The following TSPYL1 variants were observed in gnomAD, a reference collection of about 807,000 sequenced individuals.
TSPYL1 encodes TSPY like 1.
In TSPYL1, 16 loss-of-function variants were observed where a neutral mutation model predicts 20.1. The ratio of observed to expected loss-of-function variants is 0.80; its 90% CI spans 0.54 to 1.21. The LOEUF is 1.21. TSPYL1 is among the 50% of genes most tolerant of loss of function. The pLI is 0.00. For synonymous variants in TSPYL1, 259 were observed against 227.1 expected, an observed-to-expected ratio of 1.14 and a Z score of -1.26; for missense variants, 560 against 569.3, an observed-to-expected ratio of 0.98 and a Z score of 0.17.
rs146113443 is a variant in TSPYL1 at position 116,275,690 on chromosome 6, C to T, written c.*2827G>A. The stretch of plus-strand genomic sequence containing the variant: ...TAGCACGTGCCTGTAGTCCCAGCTA[C>T]TCGGGAGGCTGATGCTGGAGAACTG... On this transcript the variant is annotated 3_prime_UTR_variant, in exon 1 of 1. Transcript: ENST00000368608. 2.2e-3 allele frequency among the ~76,000 whole-genome samples: 331 copies of T among 151,990 alleles called. 1 individual carries two copies. Among genetic ancestry groups the T allele is most frequent in the African/African-American group, 7.8e-3 (324 of 41,424 alleles).
At position 116,279,228 on chromosome 6, in the gene TSPYL1, T is replaced by C. The variant is rs562952365; in HGVS notation, c.603A>G (p.Glu201=). 1 of 1,609,422 alleles carries C rather than the reference T, an allele frequency of 6.2e-7. No homozygotes were observed. Among genetic ancestry groups the C allele is most frequent in the African/African-American group, 1.3e-5 (1 of 74,994 alleles). Residue 201 remains glutamate, a synonymous_variant, in exon 1 of 1, where the codon GAA becomes GAG. Coordinates refer to ENST00000368608, the MANE Select transcript of TSPYL1 (RefSeq NM_003309.4). ...ATCTATCCTCCTCCGCCACTTCTATTTCTTCACCTTCTGGCGGCTGCTCCT... is the reference window on the plus strand; with the variant it reads ...ATCTATCCTCCTCCGCCACTTCTATCTCTTCACCTTCTGGCGGCTGCTCCT... ...EVEEQPPEGE[E]IEVAEEDRLE...
In TSPYL1 at chr6:116,278,702, A is replaced by C. The variant is rs1773286365; in HGVS notation, c.1129T>G (p.Phe377Val). The change falls in exon 1 of 1, where the codon TTC (phenylalanine) becomes GTC (valine). Residue 377 changes from phenylalanine (F) to valine (V), a missense_variant. Transcript: ENST00000368608. ...IRRNQDLICS[F>V]FTWFSDHSLP... ...CTGTGGTCTGAAAACCAAGTGAAGA[A>C]GCTGCAGATGAGGTCTTGGTTTCTG... 6.2e-7 allele frequency: 1 copy of C among 1,614,180 alleles called. No individual in the cohort carries two copies. The highest frequency in any genetic ancestry group is 1.1e-5 in the South Asian group (1 of 91,086).
In TSPYL1 at chr6:116,279,396, C is replaced by T. The variant is rs1209114564; in HGVS notation, c.435G>A (p.Thr145=). 4 of 1,613,174 alleles carry T rather than the reference C, an allele frequency of 2.5e-6. No individual in the cohort carries two copies. The highest frequency in any genetic ancestry group is 3.4e-6 in the Non-Finnish European group (4 of 1,180,044). Residue 145 remains threonine (T), a synonymous_variant, in exon 1 of 1, where the codon ACG becomes ACA. Transcript: ENST00000368608. ...CGAQRSASEL[T]AGAEAEAEEV... is the part of the protein sequence containing the mutation. ...CCTCCGCCTCAGCCTCCGCCCCCGC[C>T]GTCAGCTCAGACGCGGATCTCTGGG...
Position 116,279,886 on chromosome 6 carries a change from C to A in TSPYL1, c.-56G>T, listed in dbSNP as rs946182426. ...ACGCCCGTTTTCCTCAGAGGCCGAA[C>A]TGGGAGCTAACCGCCGCTCGCACCG... On this transcript the variant is annotated 5_prime_UTR_variant, in exon 1 of 1. Transcript: ENST00000368608. 24 of 1,611,918 alleles carry A rather than the reference C, an allele frequency of 1.5e-5. No individual in the cohort carries two copies. In the African/African-American group the frequency reaches 2.5e-4, roughly 17 times the overall value.
chr6:116,278,881 G>A lies in TSPYL1; in HGVS notation c.950C>T (p.Thr317Ile). Residue 317 changes from threonine to isoleucine, a missense_variant, in exon 1 of 1, where the codon ACC becomes ATC. Thr to Ile is a moderately conservative substitution (Grantham distance 89). Transcript: ENST00000368608. ...LEVKELRHPR[T>I]GCKFKFFFRR... ...AAAGAAGAACTTGAACTTGCAACCG[G>A]TTCTAGGGTGTCTGAGTTCCTTCAC... 6.2e-7 allele frequency: 1 copy of A among 1,614,146 alleles called. No individual in the cohort carries two copies. The highest frequency in any genetic ancestry group is 8.5e-7 in the Non-Finnish European group (1 of 1,180,006).
In TSPYL1 at chr6:116,278,302, C is replaced by G; in HGVS notation, c.*215G>C. 3.4e-6 allele frequency: 2 copies of G among 596,434 alleles called. No homozygotes were observed. The highest frequency in any genetic ancestry group is 6.0e-6 in the Non-Finnish European group (2 of 335,452). The allele number at this position is 596,434 out of a possible 1,614,324, so 36.9% of individuals were successfully genotyped here. A position where few individuals can be genotyped will look rare whatever the true frequency, so the allele number is the denominator to read the frequency against. On this transcript the variant is annotated 3_prime_UTR_variant, in exon 1 of 1. Transcript: ENST00000368608. ...GGATGACCTCGTAGCATGTGATATT[C>G]CAGAACAGCATGAAGGTCATATGGA... is the stretch of plus-strand genomic sequence containing the variant.
At position 116,278,401 on chromosome 6, in the gene TSPYL1, A is replaced by T; in HGVS notation, c.*116T>A. ...TGAATATCCAAAGGAAACAGGGTGCAGAAAAGTCAGCAAAAACAAAGCACA... is the reference window on the plus strand; with the variant it reads ...TGAATATCCAAAGGAAACAGGGTGCTGAAAAGTCAGCAAAAACAAAGCACA... On this transcript the variant is annotated 3_prime_UTR_variant, in exon 1 of 1. Coordinates refer to ENST00000368608, the MANE Select transcript of TSPYL1 (RefSeq NM_003309.4). 1 of 1,389,536 alleles carries T rather than the reference A, an allele frequency of 7.2e-7. No individual in the cohort carries two copies. The highest frequency in any genetic ancestry group is 1.0e-6 in the Non-Finnish European group (1 of 988,334). 86.1% of individuals were successfully genotyped at this position (1,389,536 alleles called of 1,614,324 possible). A position where few individuals can be genotyped will look rare whatever the true frequency, so the allele number is the denominator to read the frequency against.
In TSPYL1 at chr6:116,275,238, A is replaced by G. The variant is rs914872987; in HGVS notation, c.*3279T>C. On this transcript the variant is annotated 3_prime_UTR_variant, in exon 1 of 1. Transcript: ENST00000368608. ...CTAACCCCCTTCTATCTCCAGTATA[A>G]TCACCTTAAAATGTACAAAGTATAT... 2.6e-5 allele frequency among the ~76,000 whole-genome samples: 4 copies of G among 152,212 alleles called. No homozygotes were observed. Among genetic ancestry groups the G allele is most frequent in the Non-Finnish European group, 5.9e-5 (4 of 68,030 alleles).
rs1412013141 is a variant in TSPYL1, at chr6:116,276,926, C to T, written c.*1591G>A. ...AACCATACTTTTGTAGATTATTTTT[C>T]CATGAAGGCAATTTGACAAGCCTAA... On this transcript the variant is annotated 3_prime_UTR_variant, in exon 1 of 1. Transcript: ENST00000368608. 5 of 152,132 alleles carry T rather than the reference C, an allele frequency of 3.3e-5. No homozygotes were observed. In the East Asian group the frequency reaches 9.6e-4, roughly 29 times the overall value. 9.4% of individuals were successfully genotyped at this position (152,132 alleles called of 1,614,324 possible).
chr6:116,279,666 C>T lies in TSPYL1; in HGVS notation c.165G>A (p.Glu55=). Residue 55 remains glutamate, a synonymous_variant, in exon 1 of 1, where the codon GAG becomes GAA. Coordinates refer to ENST00000368608, the MANE Select transcript of TSPYL1 (RefSeq NM_003309.4). ...VMAEPGEGGS[E]TVALPPPPPS... The stretch of plus-strand genomic sequence containing the variant: ...GCGGTGGAGGCGGGAGCGCGACGGT[C>T]TCCGAGCCTCCCTCACCCGGCTCCG... The T allele has an allele frequency of 6.2e-7, 1 of 1,607,700 alleles. No individual in the cohort carries two copies. Among genetic ancestry groups the T allele is most frequent in the Non-Finnish European group, 8.5e-7 (1 of 1,179,938 alleles).
Position 116,279,122 on chromosome 6 carries a change from G to C in TSPYL1, c.709C>G (p.Leu237Val). 2 of 1,614,112 alleles carry C rather than the reference G, an allele frequency of 1.2e-6. No homozygotes were observed. The highest frequency in any genetic ancestry group is 1.6e-4 in the Middle Eastern group (1 of 6,062). Residue 237 changes from leucine to valine, a missense_variant, in exon 1 of 1, where the codon CTG (leucine) becomes GTG (valine). Transcript: ENST00000368608. ...LRMDPLEAIQ[L>V]ELDTVNAQAD... ...TGAGCATTCACAGTGTCCAGTTCCA[G>C]CTGGATGGCCTCCAGAGGGTCCATG...
At position 116,278,794 on chromosome 6, in the gene TSPYL1, C is replaced by T. The variant is rs1350941744; in HGVS notation, c.1037G>A (p.Gly346Asp). 6.2e-7 allele frequency: 1 copy of T among 1,614,148 alleles called. No homozygotes were observed. Among genetic ancestry groups the T allele is most frequent in the East Asian group, 2.2e-5 (1 of 44,884 alleles). The change falls in exon 1 of 1, where the codon GGC becomes GAC. Residue 346 changes from glycine to aspartate, a missense_variant. Transcript: ENST00000368608. ...TGGAGTAGAAAGAGACACCACTCGG[C>T]CGGAGGATCTTACCTCATATTCCTT... ...IVKEYEVRSS[G>D]RVVSLSTPII...
In TSPYL1 at chr6:116,279,765, G is replaced by C; in HGVS notation, c.66C>G (p.Asp22Glu). 3.1e-6 allele frequency: 5 copies of C among 1,612,572 alleles called. No individual in the cohort carries two copies. The highest frequency in any genetic ancestry group is 4.2e-6 in the Non-Finnish European group (5 of 1,180,034). ...GTGCGTCCTGGTCGCTCGGGACTTG[G>C]TCAGAAATAATGATGCTGTGGGTTT... is the stretch of plus-strand genomic sequence containing the variant. ...PLQTHSIIISDQVPSDQDAHQ... is the reference protein window; with the variant it reads ...PLQTHSIIISEQVPSDQDAHQ... The change falls in exon 1 of 1, where the codon GAC becomes GAG. Residue 22 changes from aspartate (D) to glutamate (E), a missense_variant. Coordinates refer to ENST00000368608, the MANE Select transcript of TSPYL1 (RefSeq NM_003309.4).
At position 116,276,307 on chromosome 6, in the gene TSPYL1, AAAG is replaced by A. The variant is rs1773140700; in HGVS notation, c.*2207_*2209del. ...GTACTCCCTGCATACAAGTTAATAA[AAAG>A]AAGAGCCTGAATAACCTGAGAATAT... On this transcript the variant is annotated 3_prime_UTR_variant, in exon 1 of 1. Coordinates refer to ENST00000368608, the MANE Select transcript of TSPYL1 (RefSeq NM_003309.4). 6.6e-6 allele frequency among the ~76,000 whole-genome samples: 1 copy of A among 152,212 alleles called. No individual in the cohort carries two copies. The highest frequency in any genetic ancestry group is 2.4e-5 in the African/African-American group (1 of 41,456).
rs1773182908 is a variant in TSPYL1, at chr6:116,277,190, A to C, written c.*1327T>G. On this transcript the variant is annotated 3_prime_UTR_variant, in exon 1 of 1. Transcript: ENST00000368608. Reference sequence around the variant, plus strand: ...TCCTAATGAAATAACAATCTTCCACATAAATTAGGTCACAAAACAAGTAAG... The same window carrying C: ...TCCTAATGAAATAACAATCTTCCACCTAAATTAGGTCACAAAACAAGTAAG... The C allele has an allele frequency of 6.5e-6, 1 of 152,682 alleles. No individual in the cohort carries two copies. Among genetic ancestry groups the C allele is most frequent in the Non-Finnish European group, 1.5e-5 (1 of 68,050 alleles). 9.5% of individuals were successfully genotyped at this position (152,682 alleles called of 1,614,324 possible).
Position 116,275,106 on chromosome 6 carries a change from G to T in TSPYL1, c.*3411C>A, listed in dbSNP as rs1261263263. On this transcript the variant is annotated 3_prime_UTR_variant, in exon 1 of 1. Transcript: ENST00000368608. ...TTCCATACTGAGTCTTCAAAATCCA[G>T]TGTGAATTTTATATTTATAGATCTC... Among the ~76,000 whole-genome samples the T allele has an allele frequency of 1.3e-5, 2 of 152,184 alleles. No homozygotes were observed. Among genetic ancestry groups the T allele is most frequent in the East Asian group, 3.8e-4 (2 of 5,204 alleles).
Position 116,275,634 on chromosome 6 carries a change from A to G in TSPYL1, c.*2883T>C, listed in dbSNP as rs1479880414. Among the ~76,000 whole-genome samples, 2 of 152,164 alleles carry G rather than the reference A, an allele frequency of 1.3e-5. No homozygotes were observed. The highest frequency in any genetic ancestry group is 2.9e-5 in the Non-Finnish European group (2 of 68,026). On this transcript the variant is annotated 3_prime_UTR_variant, in exon 1 of 1. Coordinates refer to ENST00000368608, the MANE Select transcript of TSPYL1 (RefSeq NM_003309.4). ...GCTAACATGGTGAAACCCCATCTCT[A>G]CTAAAAATACAAAAAATTAGCCGGG... is the stretch of plus-strand genomic sequence containing the variant.
In TSPYL1 at chr6:116,276,191, CAGAAG is replaced by C. The variant is rs1340729637; in HGVS notation, c.*2321_*2325del. ...CAAGGGCAGGCCTTGAAGGATTTGA[CAGAAG>C]AGAACAGTGAGGAAGTTTAAAGAAA... On this transcript the variant is annotated 3_prime_UTR_variant, in exon 1 of 1. Transcript: ENST00000368608. Among the ~76,000 whole-genome samples, 7 of 151,978 alleles carry C rather than the reference CAGAAG, an allele frequency of 4.6e-5. No homozygotes were observed. Among genetic ancestry groups the C allele is most frequent in the Non-Finnish European group, 1.0e-4 (7 of 68,010 alleles).
chr6:116,279,064 T>C lies in TSPYL1; in HGVS notation c.767A>G (p.Lys256Arg), dbSNP rs1377425916. 1 of 1,613,316 alleles carries C rather than the reference T, an allele frequency of 6.2e-7. No individual in the cohort carries two copies. ...ADRAFQQLEHKFGRMRRHYLE... is the reference protein window; with the variant it reads ...ADRAFQQLEHRFGRMRRHYLE... ...GTAGTGTCGACGCATCCGCCCAAACTTGTGCTCCAGCTGTTGGAAGGCCCT... is the reference window on the plus strand; with the variant it reads ...GTAGTGTCGACGCATCCGCCCAAACCTGTGCTCCAGCTGTTGGAAGGCCCT... The change falls in exon 1 of 1, where the codon AAG becomes AGG. Residue 256 changes from lysine to arginine, a missense_variant. By Grantham distance (26) the Lys-to-Arg change is conservative. Transcript: ENST00000368608.
Sources: gnomAD v4.1 joint callset for allele counts (sites outside exome capture counted in the v4.1 genomes callset) on GRCh38, gnomAD v4.1.1 for gene constraint, MANE v1.5 for transcripts, NCBI Gene and HGNC (gene_info 2026-07-23, HGNC 2026-07-21) for gene names.